CELF2: variants seen among roughly 807,000 people sequenced by gnomAD.
The protein encoded by CELF2 is CUGBP Elav-like family member 2, also known as CUG triplet repeat RNA-binding protein 2.
In CELF2, 8 loss-of-function variants were observed where a neutral mutation model predicts 62.6. The observed-to-expected ratio is 0.13, with a 90% confidence interval of 0.07 to 0.23. The LOEUF (loss-of-function observed/expected upper bound fraction) is 0.23. CELF2 is among the 10% of genes least tolerant of loss of function. The pLI is 1.00. For synonymous variants in CELF2, 258 were observed against 250.0 expected, an observed-to-expected ratio of 1.03 and a Z score of -0.30; for missense variants, 333 against 671.0, an observed-to-expected ratio of 0.50 and a Z score of 5.56.
At position 11,005,757 on chromosome 10, in the gene CELF2, C is replaced by T. The variant is rs2055139888; in HGVS notation, c.53+317C>T. On this transcript the variant is annotated intron_variant, in intron 1 of 12. Transcript: ENST00000416382. The surrounding 1 kb of genome is among the most constrained non-coding windows in gnomAD (Gnocchi z 4.3). ...AGGGCTCTGAATCTGGATCTTGGTT[C>T]GTCTTTTCCTTTGCAATGTCTAAGC... Among the ~76,000 whole-genome samples, 3 of 152,110 alleles carry T rather than the reference C, an allele frequency of 2.0e-5. No homozygotes were observed. Among genetic ancestry groups the T allele is most frequent in the Non-Finnish European group, 4.4e-5 (3 of 68,012 alleles).
chr10:10,520,123 T>C, the CELF2 span, among the ~76,000 whole-genome samples: 4 of 152,226 alleles, frequency 2.6e-5, no homozygotes, highest in Admixed American at 2.6e-4. Context: ...TAAAACCTGC[T>C]TTGCATTTTT....
chr10:10,687,435 A>G, the CELF2 span, among the ~76,000 whole-genome samples: 3 of 152,210 alleles, frequency 2.0e-5, no homozygotes, highest in Non-Finnish European at 4.4e-5. Flanking sequence ...GAAAATTTTA[A>G]CCAAAAGTCA....
chr10:10,796,093 G>T (rs1259349480), upstream of CELF2, among the ~76,000 whole-genome samples: 1 of 152,072 alleles, frequency 6.6e-6, no homozygotes, highest in Non-Finnish European at 1.5e-5. Flanking sequence ...CTTTTGAAAA[G>T]CCCCCAAGCA....
intron 1 of CELF2, among the ~76,000 whole-genome samples, chr10:11,085,264 A>G (rs530753564): frequency 7.2e-5 from 11 of 152,338 alleles, no homozygotes; most frequent in African/African-American, 2.4e-4. Context: ...CCCAAAGTAA[A>G]GTGCTGTGGT....
chr10:10,521,092 G>A, the CELF2 span, among the ~76,000 whole-genome samples: 1 of 152,204 alleles, frequency 6.6e-6, no homozygotes, highest in South Asian at 2.1e-4. Context: ...TCAGCACTGA[G>A]CAAGAGGAAA....
the CELF2 span, among the ~76,000 whole-genome samples, chr10:10,667,418 T>C: frequency 6.6e-6 from 1 of 152,194 alleles, no homozygotes; most frequent in Non-Finnish European, 1.5e-5. Context: ...TGTGTGAGAG[T>C]GCTCTCAGGT....
chr10:10,987,084 T>G (rs2052847191), intron 2 of CELF2, among the ~76,000 whole-genome samples: 1 of 152,300 alleles, frequency 6.6e-6, no homozygotes, highest in African/African-American at 2.4e-5. Flanking sequence ...GGTCCTACCG[T>G]CTCAATTGCA....
At chr10:11,137,768 A>G (rs2132097486) in intron 1 of CELF2, among the ~76,000 whole-genome samples, 1 of 152,348 alleles carries the variant, frequency 6.6e-6, no homozygotes, top group Admixed American at 6.5e-5. Flanking sequence ...CTTTTTAAAT[A>G]CCATTTCTGT....
At chr10:10,796,242 C>T (rs1453644176), upstream of CELF2, among the ~76,000 whole-genome samples, 5 of 152,108 alleles carry the variant, frequency 3.3e-5, no homozygotes, top group Non-Finnish European at 1.5e-5. Context: ...ATGGGGAGTA[C>T]AACTCATAAC....
chr10:10,946,285 G>A (rs1338587442), intron 2 of CELF2: 1 of 152,234 alleles, frequency 6.6e-6, no homozygotes, highest in African/African-American at 2.4e-5. Context: ...GCATAAAGAG[G>A]ACCAATTTGG....
intron 1 of CELF2, among the ~76,000 whole-genome samples, chr10:10,834,924 T>C (rs903923845): frequency 2.0e-5 from 3 of 152,184 alleles, no homozygotes; most frequent in Non-Finnish European, 4.4e-5. Context: ...GCTCCACACC[T>C]TTGAACCATC....
chr10:11,141,104 G>A (rs189744816), intron 1 of CELF2, among the ~76,000 whole-genome samples: 8 of 152,280 alleles, frequency 5.3e-5, no homozygotes, highest in Non-Finnish European at 5.9e-5. Flanking sequence ...CATGCCGGGC[G>A]CTGTGCTCAG....
intron 11 of CELF2, among the ~76,000 whole-genome samples, chr10:11,322,767 T>C (rs150715468): frequency 6.6e-6 from 1 of 152,224 alleles, no homozygotes; most frequent in East Asian, 1.9e-4. Context: ...TCTTTGACTA[T>C]TATGGTAGGC....
At chr10:11,239,764 T>C (rs566187130) in intron 3 of CELF2, among the ~76,000 whole-genome samples, 2 of 152,272 alleles carry the variant, frequency 1.3e-5, no homozygotes, top group Non-Finnish European at 2.9e-5. Context: ...CAAATGGTGA[T>C]TGAAAGTTTT....
chr10:10,676,707 T>C, the CELF2 span, among the ~76,000 whole-genome samples: 1 of 152,188 alleles, frequency 6.6e-6, no homozygotes, highest in Non-Finnish European at 1.5e-5. Context: ...CTGATTTTTT[T>C]TGTGTCTGCC....
intron 2 of CELF2, among the ~76,000 whole-genome samples, chr10:10,945,754 T>C (rs1283383846): frequency 6.6e-6 from 1 of 152,100 alleles, no homozygotes; most frequent in Non-Finnish European, 1.5e-5. Flanking sequence ...ACACACCTAA[T>C]GTCCTGGGGG....
the CELF2 span, among the ~76,000 whole-genome samples, chr10:10,591,668 C>T: frequency 2.4e-4 from 37 of 152,142 alleles, no homozygotes; most frequent in African/African-American, 7.9e-4. Flanking sequence ...TCTGTTAAGA[C>T]GTTTGCACTT....
At chr10:11,074,906 C>G (rs1003202417) in intron 1 of CELF2, 1 of 152,192 alleles carries the variant, frequency 6.6e-6, no homozygotes, top group Non-Finnish European at 1.5e-5. Context: ...AATTTGGTCT[C>G]TAAATAACAA....
intron 1 of CELF2, among the ~76,000 whole-genome samples, chr10:10,823,442 T>A (rs1754118696): frequency 6.6e-6 from 1 of 152,164 alleles, no homozygotes; most frequent in South Asian, 2.1e-4. Flanking sequence ...CTTAACACAC[T>A]GTGTGACCTT....
Sources: allele counts gnomAD v4.1 joint callset (sites outside exome capture counted in the v4.1 genomes callset), GRCh38; gene constraint gnomAD v4.1.1; non-coding constraint Gnocchi (gnomAD v3.1); transcripts MANE v1.5; gene names NCBI Gene and HGNC (gene_info 2026-07-23, HGNC 2026-07-21).